The following RBMS1 variants were observed in gnomAD, a reference collection of about 807,000 sequenced individuals.
RBMS1 encodes RNA binding motif single stranded interacting protein 1, also known as RNA-binding motif, single-stranded-interacting protein 1.
Under a neutral mutation model 62.3 loss-of-function variants are expected in RBMS1, and 17 were observed. The ratio of observed to expected loss-of-function variants is 0.27; its 90% CI spans 0.19 to 0.41. The LOEUF is 0.41. Ranked by LOEUF, RBMS1 falls within the 10% of genes least tolerant of loss-of-function variation. The pLI is 1.00. For missense variants in RBMS1, 334 were observed against 504.5 expected (o/e 0.66, Z 3.24); for synonymous variants, 172 against 170.0 (o/e 1.01, Z -0.09).
chr2:160,382,257 A>T (rs1305272398), intron 1 of RBMS1, among the ~76,000 whole-genome samples: 1 of 152,206 alleles, frequency 6.6e-6, no homozygotes, highest in Non-Finnish European at 1.5e-5. Flanking sequence ...AGGAGTCTGA[A>T]ATCTGGGGAG....
At chr2:160,308,845 T>C (rs1412193312) in intron 4 of RBMS1, among the ~76,000 whole-genome samples, 1 of 152,172 alleles carries the variant, frequency 6.6e-6, no homozygotes, top group Non-Finnish European at 1.5e-5. Flanking sequence ...ATAGTGCCAA[T>C]ATATACCCAG....
chr2:160,296,437 A>G (rs1440770954), intron 6 of RBMS1, among the ~76,000 whole-genome samples: 4 of 152,228 alleles, frequency 2.6e-5, no homozygotes, highest in Non-Finnish European at 5.9e-5. Flanking sequence ...TCTCTATGAA[A>G]TGAAAAGCAA....
chr2:160,427,117 G>A (rs2105280499), intron 1 of RBMS1, among the ~76,000 whole-genome samples: 1 of 152,278 alleles, frequency 6.6e-6, no homozygotes, highest in South Asian at 2.1e-4. Flanking sequence ...ACAAAATAAT[G>A]ATCCATAAAG....
intron 1 of RBMS1, among the ~76,000 whole-genome samples, chr2:160,390,582 G>C (rs1694807676): frequency 6.6e-6 from 1 of 151,212 alleles, no homozygotes; most frequent in African/African-American, 2.4e-5. Flanking sequence ...TGTGGCCCCA[G>C]CTACACAGAA....
chr2:160,413,456 T>A (rs1696104439), intron 1 of RBMS1, among the ~76,000 whole-genome samples: 1 of 152,256 alleles, frequency 6.6e-6, no homozygotes, highest in Non-Finnish European at 1.5e-5. Context: ...TTCTATTATT[T>A]ACTATTTTGC....
chr2:160,478,791 G>C (rs543985966), intron 1 of RBMS1, among the ~76,000 whole-genome samples: 1 of 152,166 alleles, frequency 6.6e-6, no homozygotes, highest in South Asian at 2.1e-4. Flanking sequence ...AAGGCACAAC[G>C]GGCTTGTTGA....
chr2:160,470,607 TTTTTATC>T (rs1373735758), intron 1 of RBMS1, among the ~76,000 whole-genome samples: 1 of 151,784 alleles, frequency 6.6e-6, no homozygotes, highest in Non-Finnish European at 1.5e-5. Context: ...CATAGAACAT[TTTTTATC>T]TTTCCTGGAC....
At chr2:160,368,259 G>A (rs911853724) in intron 1 of RBMS1, among the ~76,000 whole-genome samples, 13 of 152,094 alleles carry the variant, frequency 8.5e-5, no homozygotes, top group Non-Finnish European at 1.8e-4. Context: ...CACAGCAAAC[G>A]CGCAGCAATT....
At chr2:160,442,290 G>C (rs763045897) in intron 1 of RBMS1, among the ~76,000 whole-genome samples, 1 of 151,990 alleles carries the variant, frequency 6.6e-6, no homozygotes, top group African/African-American at 2.4e-5. Flanking sequence ...GTTTATATTC[G>C]GGTTTATAAC....
At chr2:160,383,853 C>A (rs1694423308) in intron 1 of RBMS1, among the ~76,000 whole-genome samples, 1 of 152,152 alleles carries the variant, frequency 6.6e-6, no homozygotes, top group African/African-American at 2.4e-5. Flanking sequence ...AGTCTCATAT[C>A]CAAAGTAGGA....
intron 1 of RBMS1, among the ~76,000 whole-genome samples, chr2:160,421,170 A>G (rs1044384199): frequency 1.3e-5 from 2 of 151,696 alleles, no homozygotes. Context: ...TTATACTTTA[A>G]GTTCTAGGGT....
chr2:160,401,035 T>C (rs1386474258), intron 1 of RBMS1, among the ~76,000 whole-genome samples: 4 of 152,188 alleles, frequency 2.6e-5, no homozygotes, highest in East Asian at 1.9e-4. Context: ...AAGGACTGCA[T>C]GCTCATTGTG....
chr2:160,418,178 A>C (rs954931679), intron 1 of RBMS1, among the ~76,000 whole-genome samples: 6 of 152,254 alleles, frequency 3.9e-5, no homozygotes, highest in Non-Finnish European at 5.9e-5. Flanking sequence ...AGTTGCAAAC[A>C]TACCTTGAGA....
intron 1 of RBMS1, chr2:160,408,736 C>A (rs1009329417): frequency 2.6e-5 from 4 of 152,120 alleles, no homozygotes; most frequent in African/African-American, 9.7e-5. Flanking sequence ...CTGCTCAAGC[C>A]GTCCCTTTTC....
chr2:160,462,029 A>AGTTATT (rs145286734), intron 1 of RBMS1, among the ~76,000 whole-genome samples: 4,668 of 152,314 alleles, frequency 0.031, 219 homozygotes, highest in African/African-American at 0.1. Context: ...GATAGCCCTG[A>AGTTATT]ACAACAGACA....
intron 2 of RBMS1, among the ~76,000 whole-genome samples, chr2:160,320,670 C>T (rs1468834770): frequency 6.6e-6 from 1 of 152,122 alleles, no homozygotes; most frequent in Non-Finnish European, 1.5e-5. Context: ...GATCTCTGCA[C>T]ACACCTTCTC....
intron 2 of RBMS1, among the ~76,000 whole-genome samples, chr2:160,330,683 A>T (rs1691219618): frequency 6.6e-6 from 1 of 150,968 alleles, no homozygotes. Context: ...TAACTAAAAT[A>T]TAGGTTGCAC....
intron 1 of RBMS1, among the ~76,000 whole-genome samples, chr2:160,458,605 T>C (rs1203956952): frequency 1.3e-5 from 2 of 152,124 alleles, no homozygotes; most frequent in Non-Finnish European, 2.9e-5. Context: ...GAAACCAGCC[T>C]GGGCAACATG....
chr2:160,350,218 T>TG (rs765969843), intron 2 of RBMS1, among the ~76,000 whole-genome samples: 8 of 151,980 alleles, frequency 5.3e-5, no homozygotes, highest in Non-Finnish European at 8.8e-5. Context: ...ACCCTGCTGA[T>TG]GGAAGTTTTA....
Sources: gnomAD v4.1 joint callset for allele counts (sites outside exome capture counted in the v4.1 genomes callset) on GRCh38, gnomAD v4.1.1 for gene constraint, MANE v1.5 for transcripts, NCBI Gene and HGNC (gene_info 2026-07-23, HGNC 2026-07-21) for gene names.